Variants in DIPK1A observed in about 807,000 individuals in gnomAD.
The protein encoded by DIPK1A is family with sequence similarity 69 member A.
DIPK1A carries 27 observed loss-of-function variants against 40.8 expected under a neutral mutation model. That is an observed-to-expected ratio of 0.66 (90% CI 0.49 to 0.91). The LOEUF is 0.91. Among genes scored for constraint, DIPK1A ranks in the 40% least tolerant of loss-of-function variants. The pLI is 0.00. For missense variants in DIPK1A, 412 were observed against 505.7 expected (o/e 0.81, Z 1.78); for synonymous variants, 166 against 171.3 (o/e 0.97, Z 0.24).
intron 1 of DIPK1A, among the ~76,000 whole-genome samples, chr1:92,952,292 A>G (rs557056917): frequency 1.1e-4 from 17 of 152,320 alleles, no homozygotes; most frequent in African/African-American, 3.8e-4. Context: ...ATTTGTAAGT[A>G]AATTACAGAC....
intron 2 of DIPK1A, among the ~76,000 whole-genome samples, chr1:92,855,816 CG>C (rs1327326097): frequency 6.6e-6 from 1 of 151,752 alleles, no homozygotes; most frequent in Admixed American, 6.6e-5. Context: ...TGGTGGCTCA[CG>C]TCGATAATCC....
At chr1:92,840,536 T>C (rs1213976024), downstream of DIPK1A, 1 of 1,600,162 alleles carries the variant, frequency 6.2e-7, no homozygotes, top group African/African-American at 1.3e-5. Context: ...TACTGTTTGC[T>C]TTCCTTTGTT....
At chr1:92,948,769 GTGTGTGTGTATATATATATA>G (rs887135000) in intron 1 of DIPK1A, among the ~76,000 whole-genome samples, 10 of 133,722 alleles carry the variant, frequency 7.5e-5, no homozygotes, top group Non-Finnish European at 1.3e-4. Context: ...ATATATATGT[GTGTGTGTGTATATATATATA>G]TGTGTGTGTA....
downstream of DIPK1A, among the ~76,000 whole-genome samples, chr1:92,839,080 C>T (rs370638728): frequency 3.3e-4 from 45 of 137,808 alleles, 2 homozygotes; most frequent in African/African-American, 1.1e-3. Flanking sequence ...ATTGCCCTGG[C>T]GGGGCATGGT....
intron 1 of DIPK1A, among the ~76,000 whole-genome samples, chr1:92,881,998 G>A (rs562328940): frequency 1.3e-5 from 2 of 152,186 alleles, no homozygotes; most frequent in South Asian, 4.1e-4. Flanking sequence ...CTTTTTAACT[G>A]TAAAATATTA....
rs1404860366 is a variant in DIPK1A, at chr1:92,842,454, C to T, written c.*929G>A. ...ATATGAAAGAGGAGCAAATACTAAA[C>T]CTTGTATATCAAGTTTACATGGGGA... On this transcript the variant is annotated 3_prime_UTR_variant, in exon 5 of 5. Coordinates refer to ENST00000370310, the MANE Select transcript of DIPK1A (RefSeq NM_001006605.5). The T allele has an allele frequency of 1.0e-6, 1 of 978,140 alleles. No individual in the cohort carries two copies. 60.6% of individuals were successfully genotyped at this position (978,140 alleles called of 1,614,324 possible).
At position 92,956,478 on chromosome 1, in the gene DIPK1A, A is replaced by T. The variant is rs544388845; in HGVS notation, c.54+4898T>A. Among the ~76,000 whole-genome samples the T allele has an allele frequency of 2.8e-4, 43 of 152,274 alleles. No homozygotes were observed. In the South Asian group the frequency reaches 8.3e-3, roughly 29 times the overall value. ...AATAAAGTTAATGAGAACTATACAA[A>T]CTACAGATCTTCTCCCTCTATTGTC... On this transcript the variant is annotated intron_variant, in intron 1 of 4. Transcript: ENST00000370310.
intron 1 of DIPK1A, among the ~76,000 whole-genome samples, chr1:92,883,376 A>T (rs1648467390): frequency 6.6e-6 from 1 of 152,270 alleles, no homozygotes; most frequent in Non-Finnish European, 1.5e-5. Context: ...GACAAGGATA[A>T]GTAAAAAAAC....
At chr1:92,896,396 A>C (rs1429645137) in intron 1 of DIPK1A, among the ~76,000 whole-genome samples, 3 of 152,160 alleles carry the variant, frequency 2.0e-5, no homozygotes, top group African/African-American at 4.8e-5. Flanking sequence ...CAAAAACAAG[A>C]AATGGGGAAA....
At chr1:92,834,617 T>A (rs1041219460) in intron 4 of DIPK1A, among the ~76,000 whole-genome samples, 9 of 152,252 alleles carry the variant, frequency 5.9e-5, no homozygotes, top group African/African-American at 2.2e-4. Flanking sequence ...TTTGACTTTT[T>A]AAGCACCTCT....
chr1:92,844,846 A>C (rs1042528967), intron 4 of DIPK1A, among the ~76,000 whole-genome samples: 6 of 152,186 alleles, frequency 3.9e-5, no homozygotes, highest in Non-Finnish European at 8.8e-5. Context: ...AAAATGGCCA[A>C]ATAAAAAATT....
At chr1:92,956,009 C>A (rs770249141) in intron 1 of DIPK1A, among the ~76,000 whole-genome samples, 1 of 151,726 alleles carries the variant, frequency 6.6e-6, no homozygotes, top group Non-Finnish European at 1.5e-5. Context: ...GAACTCCAGC[C>A]TGGGTGACAG....
Position 92,922,407 on chromosome 1 carries a change from G to A in DIPK1A, c.54+38969C>T, listed in dbSNP as rs529365691. Among the ~76,000 whole-genome samples the A allele has an allele frequency of 6.6e-5, 10 of 151,394 alleles. No individual in the cohort carries two copies. The South Asian group carries it at 1.9e-3, about 28-fold the overall frequency. ...GGATCTTGTGGTAAATAATGCCTCA[G>A]GGAGAGGGTTTTCCAGACGAATTAT... is the stretch of plus-strand genomic sequence containing the variant. On this transcript the variant is annotated intron_variant, in intron 1 of 4. Coordinates refer to ENST00000370310, the MANE Select transcript of DIPK1A (RefSeq NM_001006605.5).
chr1:92,959,902 A>ATTTTTTTT (rs1557502636), intron 1 of DIPK1A, among the ~76,000 whole-genome samples: 770 of 43,028 alleles, frequency 0.018, 33 homozygotes, highest in Non-Finnish European at 0.021. Context: ...CACCCAACCA[A>ATTTTTTTT]CTTTTTTTTT....
chr1:92,882,708 T>C (rs1648433015), intron 1 of DIPK1A, among the ~76,000 whole-genome samples: 1 of 152,214 alleles, frequency 6.6e-6, no homozygotes, highest in African/African-American at 2.4e-5. Context: ...TTTTATACTT[T>C]TATATACAAA....
chr1:92,903,851 A>G (rs1649509719), intron 1 of DIPK1A, among the ~76,000 whole-genome samples: 2 of 152,208 alleles, frequency 1.3e-5, no homozygotes, highest in South Asian at 2.1e-4. Context: ...GAGAACAGAG[A>G]AAGGTTGTTA....
In DIPK1A at chr1:92,849,638, GA is replaced by G. The variant is rs756841519; in HGVS notation, c.297+1209del. Among the ~76,000 whole-genome samples the G allele has an allele frequency of 4.2e-3, 639 of 152,194 alleles. 9 individuals are homozygous for G. The highest frequency in any genetic ancestry group is 4.6e-3 in the Non-Finnish European group (313 of 68,012). On this transcript the variant is annotated intron_variant, in intron 3 of 4. Coordinates refer to ENST00000370310, the MANE Select transcript of DIPK1A (RefSeq NM_001006605.5). ...AGCGATTCTTGTGCCTCAGCCTCTG[GA>G]GTTGCTGGGATTACAGGCATGTGCC...
exon 5 of DIPK1A, chr1:92,832,969 T>G (rs368287683): frequency 8.3e-5 from 60 of 724,730 alleles, no homozygotes; most frequent in Non-Finnish European, 9.6e-5. Context: ...AACCGACGTT[T>G]GGCATCACTG....
rs769650278 is a variant in DIPK1A, at chr1:92,843,139, T to C, written c.*244A>G. ...CATTGGTTTTTAAAGTCAGTCAAAA[T>C]AGTTACACAATGAATGTACTTCGGA... On this transcript the variant is annotated 3_prime_UTR_variant, in exon 5 of 5. Transcript: ENST00000370310. 7 of 1,201,730 alleles carry C rather than the reference T, an allele frequency of 5.8e-6. No homozygotes were observed. Among genetic ancestry groups the C allele is most frequent in the South Asian group, 2.7e-5 (1 of 36,986 alleles). The allele number at this position is 1,201,730 out of a possible 1,614,324, so 74.4% of individuals were successfully genotyped here. A position where few individuals can be genotyped will look rare whatever the true frequency, so the allele number is the denominator to read the frequency against.
Sources: allele counts gnomAD v4.1 joint callset (sites outside exome capture counted in the v4.1 genomes callset), GRCh38; gene constraint gnomAD v4.1.1; transcripts MANE v1.5; gene names NCBI Gene and HGNC (gene_info 2026-07-23, HGNC 2026-07-21).